The following STK32B variants were observed in gnomAD, a reference collection of about 807,000 sequenced individuals.
STK32B encodes serine/threonine kinase 32B.
In STK32B, 43 loss-of-function variants were observed where a neutral mutation model predicts 52.6. That is an observed-to-expected ratio of 0.82 (90% CI 0.64 to 1.05). The LOEUF (loss-of-function observed/expected upper bound fraction) is 1.05, where lower values mean the gene tolerates loss of function less well. Ranked by LOEUF, STK32B falls within the 50% of genes least tolerant of loss-of-function variation. The pLI is 0.00. For missense variants in STK32B, 621 were observed against 534.6 expected, an observed-to-expected ratio of 1.16 and a Z score of -1.59; for synonymous variants, 238 against 204.3, an observed-to-expected ratio of 1.17 and a Z score of -1.41.
In STK32B at chr4:5,072,285, T is replaced by C. The variant is rs370662916; in HGVS notation, c.52+20370T>C. Among the ~76,000 whole-genome samples the C allele has an allele frequency of 2.0e-4, 30 of 152,288 alleles. 1 individual carries two copies. The highest frequency in any genetic ancestry group is 1.7e-3 in the South Asian group (8 of 4,830). ...TTTAATTGGCAACCCCACATTTACATTGTTACATGGGAATCTGGTAGAAAC... is the reference window on the plus strand; with the variant it reads ...TTTAATTGGCAACCCCACATTTACACTGTTACATGGGAATCTGGTAGAAAC... On this transcript the variant is annotated intron_variant, in intron 1 of 11. Transcript: ENST00000282908.
At chr4:5,041,684 T>G in the STK32B span, among the ~76,000 whole-genome samples, 1 of 152,282 alleles carries the variant, frequency 6.6e-6, no homozygotes, top group East Asian at 1.9e-4. Flanking sequence ...AAGACTGCTC[T>G]TGAAGTTATT....
At chr4:5,459,079 A>G (rs1716811532) in intron 8 of STK32B, among the ~76,000 whole-genome samples, 1 of 152,200 alleles carries the variant, frequency 6.6e-6, no homozygotes, top group Non-Finnish European at 1.5e-5. Flanking sequence ...TTGAAGTGGA[A>G]CCTGCTTAAG....
chr4:5,031,282 C>A, the STK32B span, among the ~76,000 whole-genome samples: 1 of 152,172 alleles, frequency 6.6e-6, no homozygotes, highest in Non-Finnish European at 1.5e-5. Flanking sequence ...GTGACCCAGT[C>A]AAGCTGACAC....
chr4:5,307,553 T>TC (rs1730008188), intron 3 of STK32B, among the ~76,000 whole-genome samples: 2 of 151,992 alleles, frequency 1.3e-5, no homozygotes, highest in Admixed American at 1.3e-4. Context: ...TCTATCTTTT[T>TC]TTTTTTTTTT....
At chr4:5,429,315 A>G (rs1488930162) in intron 6 of STK32B, among the ~76,000 whole-genome samples, 1 of 152,116 alleles carries the variant, frequency 6.6e-6, no homozygotes, top group Admixed American at 6.5e-5. Context: ...TTTTATTTAA[A>G]TCTATCATCT....
intron 4 of STK32B, among the ~76,000 whole-genome samples, chr4:5,373,331 A>G (rs745355383): frequency 6.6e-6 from 1 of 152,188 alleles, no homozygotes; most frequent in Non-Finnish European, 1.5e-5. Flanking sequence ...TTCAACACCC[A>G]TGTGATCCAA....
At chr4:5,167,364 A>G (rs952001491) in intron 2 of STK32B, among the ~76,000 whole-genome samples, 1 of 152,204 alleles carries the variant, frequency 6.6e-6, no homozygotes. Flanking sequence ...GGATTCAGTG[A>G]GATGGTCAAG....
At chr4:5,024,413 A>G in the STK32B span, among the ~76,000 whole-genome samples, 1 of 152,306 alleles carries the variant, frequency 6.6e-6, no homozygotes, top group African/African-American at 2.4e-5. Context: ...ACAATTTTGT[A>G]CTTGGCCAAT....
intron 3 of STK32B, among the ~76,000 whole-genome samples, chr4:5,230,178 CTTTTTTTTTTTTT>C (rs752036100): frequency 0.28 from 19,859 of 71,242 alleles, 2,431 homozygotes; most frequent in East Asian, 0.45. Context: ...CATGCATTCC[CTTTTTTTTTTTTT>C]TTTTTTTTTT....
chr4:5,094,973 T>G (rs990253587), intron 1 of STK32B, among the ~76,000 whole-genome samples: 2 of 152,212 alleles, frequency 1.3e-5, no homozygotes, highest in Non-Finnish European at 2.9e-5. Flanking sequence ...CCCTGGGCAC[T>G]GTGGGCTCAG....
intron 3 of STK32B, among the ~76,000 whole-genome samples, chr4:5,320,420 T>C (rs536944797): frequency 1.6e-3 from 240 of 152,332 alleles, no homozygotes; most frequent in Non-Finnish European, 2.6e-3. Context: ...ATAGTCAAAA[T>C]GGTAAGCATT....
At chr4:5,290,377 T>A (rs977909972) in intron 3 of STK32B, among the ~76,000 whole-genome samples, 1 of 152,214 alleles carries the variant, frequency 6.6e-6, no homozygotes, top group African/African-American at 2.4e-5. Context: ...TATATGCTTA[T>A]TCTATAATAT....
intron 3 of STK32B, among the ~76,000 whole-genome samples, chr4:5,201,587 T>A (rs903584331): frequency 6.6e-6 from 1 of 152,184 alleles, no homozygotes; most frequent in Non-Finnish European, 1.5e-5. Flanking sequence ...GTTCTCACAC[T>A]GCTATAAGGA....
At chr4:5,156,039 C>T (rs1046740578) in intron 2 of STK32B, among the ~76,000 whole-genome samples, 3 of 151,664 alleles carry the variant, frequency 2.0e-5, no homozygotes, top group African/African-American at 7.3e-5. Context: ...CCTATAGATC[C>T]ACCACAAAAC....
At chr4:5,309,029 G>A (rs10004022) in intron 3 of STK32B, among the ~76,000 whole-genome samples, 19,440 of 151,842 alleles carry the variant, frequency 0.13, 2,689 homozygotes, top group African/African-American at 0.36. Flanking sequence ...AACTCTTATG[G>A]GTGATAAATG....
chr4:5,179,048 G>A (rs568593682), intron 3 of STK32B, among the ~76,000 whole-genome samples: 5 of 152,312 alleles, frequency 3.3e-5, no homozygotes, highest in Admixed American at 2.0e-4. Context: ...ATCTGAGACT[G>A]GATAATTTAT....
At chr4:5,495,413 G>T (rs901779483) in intron 11 of STK32B, among the ~76,000 whole-genome samples, 1 of 152,114 alleles carries the variant, frequency 6.6e-6, no homozygotes, top group African/African-American at 2.4e-5. Context: ...TCGAGCCTTG[G>T]CTTTCAGCTC....
At chr4:5,157,117 A>C (rs1717917531) in intron 2 of STK32B, among the ~76,000 whole-genome samples, 1 of 152,178 alleles carries the variant, frequency 6.6e-6, no homozygotes, top group Non-Finnish European at 1.5e-5. Context: ...GTTCAAAAGC[A>C]TTTGGCTTAT....
chr4:5,205,706 G>GC lies in STK32B; in HGVS notation c.260+37256_260+37257insC, dbSNP rs1491027130. 6.4e-4 allele frequency among the ~76,000 whole-genome samples: 25 copies of GC among 39,022 alleles called. No individual in the cohort carries two copies. In the South Asian group the frequency reaches 0.012, roughly 18 times the overall value. The allele number at this position is 39,022 out of a possible 152,430, so 25.6% of individuals were successfully genotyped here. Reference sequence around the variant, plus strand: ...AGTTCTAGACCAGGCGCGCGCGCGTGTGTGTGTGTGTGTGTGTGTGTGTGT... The same window carrying GC: ...AGTTCTAGACCAGGCGCGCGCGCGTGCTGTGTGTGTGTGTGTGTGTGTGTGT... On this transcript the variant is annotated intron_variant, in intron 3 of 11. Transcript: ENST00000282908.
Sources: gnomAD v4.1 joint callset for allele counts (sites outside exome capture counted in the v4.1 genomes callset) on GRCh38, gnomAD v4.1.1 for gene constraint, MANE v1.5 for transcripts, NCBI Gene and HGNC (gene_info 2026-07-23, HGNC 2026-07-21) for gene names.